Variants in NEGR1 observed in about 807,000 individuals in gnomAD.
NEGR1 encodes the protein neuronal growth regulator 1, also known as IgLON family member 4.
NEGR1 carries 10 observed loss-of-function variants against 40.9 expected under a neutral mutation model. The ratio of observed to expected loss-of-function variants is 0.24; its 90% CI spans 0.15 to 0.42. NEGR1 has a LOEUF of 0.42. Ranked by LOEUF, NEGR1 falls within the 10% of genes least tolerant of loss-of-function variation. The pLI, the probability that NEGR1 is intolerant of heterozygous loss-of-function variation, is 1.00. For synonymous variants in NEGR1, 185 were observed against 166.8 expected (o/e 1.11, Z -0.84); for missense variants, 352 against 438.9 (o/e 0.80, Z 1.77).
At chr1:71,849,076 A>T (rs1338191111) in intron 2 of NEGR1, among the ~76,000 whole-genome samples, 1 of 151,814 alleles carries the variant, frequency 6.6e-6, no homozygotes, top group African/African-American at 2.4e-5. Flanking sequence ...GTGACAGAGC[A>T]AGACTCTGTC....
intron 1 of NEGR1, among the ~76,000 whole-genome samples, chr1:72,082,106 G>T (rs1648026859): frequency 6.6e-6 from 1 of 152,052 alleles, no homozygotes; most frequent in Non-Finnish European, 1.5e-5. Context: ...GAAATAAAAT[G>T]TGTGAGCCCA....
chr1:71,810,437 C>T (rs1225238602), intron 2 of NEGR1, among the ~76,000 whole-genome samples: 6 of 151,940 alleles, frequency 3.9e-5, no homozygotes, highest in African/African-American at 1.5e-4. Flanking sequence ...TAATTATAAC[C>T]ATGAATAGAA....
At chr1:71,936,810 ATAG>A (rs1645909446) in intron 1 of NEGR1, among the ~76,000 whole-genome samples, 1 of 152,204 alleles carries the variant, frequency 6.6e-6, no homozygotes, top group Non-Finnish European at 1.5e-5. Context: ...ATTGTGTTTA[ATAG>A]TAGTCAGGCA....
Position 71,880,728 on chromosome 1 carries a change from C to T in NEGR1, c.409+54351G>A, listed in dbSNP as rs1207321033. 1.3e-5 allele frequency among the ~76,000 whole-genome samples: 2 copies of T among 151,998 alleles called. 1 individual carries two copies. Among genetic ancestry groups the T allele is most frequent in the East Asian group, 3.9e-4 (2 of 5,184 alleles). On this transcript the variant is annotated intron_variant, in intron 2 of 6. Coordinates refer to ENST00000357731, the MANE Select transcript of NEGR1 (RefSeq NM_173808.3). ...TCTGACTGTATGCATATTTCTCTTT[C>T]TACCCATAAATGCCACTCCTCAAAA...
chr1:71,468,940 T>C (rs369507109), intron 6 of NEGR1: 26 of 149,050 alleles, frequency 1.7e-4, no homozygotes, highest in African/African-American at 6.5e-4. Context: ...AAGTACTAAG[T>C]AAAACTCTCA....
chr1:72,219,036 C>T (rs2100478535), intron 1 of NEGR1, among the ~76,000 whole-genome samples: 1 of 152,138 alleles, frequency 6.6e-6, no homozygotes, highest in African/African-American at 2.4e-5. Context: ...CTTCCTCATA[C>T]AAAGCGCCCA....
At chr1:71,660,210 C>A (rs946292428) in intron 4 of NEGR1, among the ~76,000 whole-genome samples, 8 of 152,092 alleles carry the variant, frequency 5.3e-5, no homozygotes, top group Admixed American at 4.6e-4. Context: ...TTATCCTTAG[C>A]AAACTAATGC....
rs72940384 is a variant in NEGR1 at position 71,590,513 on chromosome 1, C to A, written c.940+2304G>T. On this transcript the variant is annotated intron_variant, in intron 6 of 6. Transcript: ENST00000357731. The stretch of plus-strand genomic sequence containing the variant: ...CCCTTTTCTTTCCAACATCTAGTGC[C>A]GTGCTTTGCCGGGTGTAGGCATTGT... 2.0e-3 allele frequency among the ~76,000 whole-genome samples: 310 copies of A among 151,956 alleles called. 2 individuals carry two copies. Among genetic ancestry groups the A allele is most frequent in the African/African-American group, 7.2e-3 (297 of 41,442 alleles).
At chr1:71,759,254 C>A (rs1055579703) in intron 3 of NEGR1, among the ~76,000 whole-genome samples, 1 of 147,304 alleles carries the variant, frequency 6.8e-6, no homozygotes, top group Non-Finnish European at 1.5e-5. Context: ...AAATTTATAA[C>A]CAAAGTAAAG....
At chr1:72,018,621 G>C (rs1019077063) in intron 1 of NEGR1, among the ~76,000 whole-genome samples, 16 of 152,134 alleles carry the variant, frequency 1.1e-4, no homozygotes, top group Non-Finnish European at 1.6e-4. Flanking sequence ...GAAATATAAT[G>C]TCATGTAATA....
At chr1:72,005,018 C>A (rs1443510666) in intron 1 of NEGR1, among the ~76,000 whole-genome samples, 2 of 152,092 alleles carry the variant, frequency 1.3e-5, no homozygotes, top group Non-Finnish European at 2.9e-5. Context: ...TAACTTCATG[C>A]CATTCAGCTG....
chr1:71,513,802 A>G (rs976746463), intron 6 of NEGR1, among the ~76,000 whole-genome samples: 5 of 151,036 alleles, frequency 3.3e-5, no homozygotes, highest in Admixed American at 6.6e-5. Flanking sequence ...CTGCATTTCC[A>G]TCTGAGGTAC....
chr1:71,813,842 T>C (rs551266838), intron 2 of NEGR1, among the ~76,000 whole-genome samples: 1 of 152,268 alleles, frequency 6.6e-6, no homozygotes, highest in African/African-American at 2.4e-5. Context: ...GCTGAGATTA[T>C]GGGGTTTTTA....
intron 3 of NEGR1, among the ~76,000 whole-genome samples, chr1:71,706,111 G>A (rs532470064): frequency 1.3e-5 from 2 of 152,320 alleles, no homozygotes; most frequent in East Asian, 1.9e-4. Context: ...ACCAATGCCA[G>A]CCACCCCCTT....
chr1:72,075,281 G>C (rs1269512342), intron 1 of NEGR1, among the ~76,000 whole-genome samples: 2 of 152,062 alleles, frequency 1.3e-5, no homozygotes, highest in East Asian at 1.9e-4. Context: ...AAAGAAGGTG[G>C]CTTTTTCTCT....
At chr1:71,995,496 CAT>C (rs1235397710) in intron 1 of NEGR1, among the ~76,000 whole-genome samples, 2 of 152,148 alleles carry the variant, frequency 1.3e-5, no homozygotes, top group African/African-American at 2.4e-5. Context: ...GCTAAATAGA[CAT>C]GTGTCTGAAG....
At chr1:72,187,789 T>C (rs1022352507) in intron 1 of NEGR1, among the ~76,000 whole-genome samples, 3 of 151,400 alleles carry the variant, frequency 2.0e-5, no homozygotes, top group Non-Finnish European at 3.0e-5. Context: ...ACAACCCCGT[T>C]AGGTTAGGCA....
intron 6 of NEGR1, among the ~76,000 whole-genome samples, chr1:71,427,827 C>T (rs1321197451): frequency 1.3e-5 from 2 of 152,032 alleles, no homozygotes; most frequent in Admixed American, 6.6e-5. Context: ...AGTGATAGAT[C>T]GAGACAATCA....
intron 1 of NEGR1, among the ~76,000 whole-genome samples, chr1:72,013,991 AG>A (rs1646685680): frequency 1.2e-5 from 1 of 86,732 alleles, no homozygotes; most frequent in African/African-American, 7.6e-5. Flanking sequence ...AAAAAAAAGG[AG>A]GTTGGGGGAG....
Sources: allele counts gnomAD v4.1 joint callset (sites outside exome capture counted in the v4.1 genomes callset), GRCh38; gene constraint gnomAD v4.1.1; transcripts MANE v1.5; gene names NCBI Gene and HGNC (gene_info 2026-07-23, HGNC 2026-07-21).